The following GRIN3A variants were observed in gnomAD, a reference collection of about 807,000 sequenced individuals.
GRIN3A encodes the protein glutamate ionotropic receptor NMDA type subunit 3A.
GRIN3A carries 47 observed loss-of-function variants against 92.4 expected under a neutral mutation model. The ratio of observed to expected loss-of-function variants is 0.51; its 90% CI spans 0.40 to 0.65. GRIN3A has a LOEUF of 0.65. GRIN3A is among the 30% of genes least tolerant of loss of function. GRIN3A has a pLI of 0.00. For missense variants in GRIN3A, 1,324 were observed against 1,393.1 expected, an observed-to-expected ratio of 0.95 and a Z score of 0.79; for synonymous variants, 527 against 540.6, an observed-to-expected ratio of 0.97 and a Z score of 0.35.
At chr9:101,587,801 G>A (rs1827967507) in intron 6 of GRIN3A, among the ~76,000 whole-genome samples, 1 of 152,096 alleles carries the variant, frequency 6.6e-6, no homozygotes, top group Non-Finnish European at 1.5e-5. Flanking sequence ...TTTAATGAGA[G>A]GTAAGGAAAA....
chr9:101,670,514 C>G lies in GRIN3A; in HGVS notation c.1898G>C (p.Ser633Thr), dbSNP rs949687303. 6.2e-7 allele frequency: 1 copy of G among 1,613,982 alleles called. No individual in the cohort carries two copies. Among genetic ancestry groups the G allele is most frequent in the African/African-American group, 1.3e-5 (1 of 75,040 alleles). The change falls in exon 3 of 9, where the codon AGC becomes ACC. Residue 633 changes from serine (S) to threonine (T), a missense_variant. Coordinates refer to ENST00000361820, the MANE Select transcript of GRIN3A (RefSeq NM_133445.3). Reference protein sequence around the residue: ...GTAHMAVTSFSINTARSQVID... With the variant: ...GTAHMAVTSFTINTARSQVID... ...CACCTGGCTCCGTGCAGTATTGATG[C>G]TAAAGGAAGTGACTGCCATGTGGGC...
chr9:101,630,362 A>G (rs1182669214), intron 3 of GRIN3A, among the ~76,000 whole-genome samples: 1 of 152,226 alleles, frequency 6.6e-6, no homozygotes, highest in Non-Finnish European at 1.5e-5. Flanking sequence ...CTGTGCTGAT[A>G]TAGTAGCTTG....
intron 1 of GRIN3A, among the ~76,000 whole-genome samples, chr9:101,691,326 A>G (rs1328759893): frequency 6.6e-6 from 1 of 152,184 alleles, no homozygotes; most frequent in Non-Finnish European, 1.5e-5. Flanking sequence ...AACACTTCCT[A>G]TAACTAGAAG....
intron 1 of GRIN3A, among the ~76,000 whole-genome samples, chr9:101,733,168 A>G (rs898806882): frequency 2.6e-5 from 4 of 152,198 alleles, no homozygotes; most frequent in African/African-American, 9.6e-5. Context: ...AATTAACTCT[A>G]AGATATAATG....
chr9:101,683,739 C>T (rs73658426), intron 2 of GRIN3A, among the ~76,000 whole-genome samples: 117 of 152,110 alleles, frequency 7.7e-4, no homozygotes, highest in African/African-American at 2.7e-3. Context: ...GGCTTCAAAC[C>T]TCACAATCTT....
chr9:101,630,467 T>C lies in GRIN3A; in HGVS notation c.2353-2066A>G, dbSNP rs150730317. Among the ~76,000 whole-genome samples the C allele has an allele frequency of 4.4e-3, 673 of 152,348 alleles. 8 individuals are homozygous for C. The highest frequency in any genetic ancestry group is 0.013 in the African/African-American group (555 of 41,576). On this transcript the variant is annotated intron_variant, in intron 3 of 8. Coordinates refer to ENST00000361820, the MANE Select transcript of GRIN3A (RefSeq NM_133445.3). ...ATCCTACCAAGAAATGTGAGGTAGA[T>C]ATGTCTATCATCTTTTTACATAAAG...
chr9:101,702,372 A>T (rs1054481417), intron 1 of GRIN3A, among the ~76,000 whole-genome samples: 1 of 152,142 alleles, frequency 6.6e-6, no homozygotes, highest in Non-Finnish European at 1.5e-5. Flanking sequence ...CTCACCATCC[A>T]TCCAAACAAC....
At chr9:101,575,599 A>AGGGAC (rs1321462256) in intron 8 of GRIN3A, among the ~76,000 whole-genome samples, 2 of 152,238 alleles carry the variant, frequency 1.3e-5, no homozygotes, top group African/African-American at 4.8e-5. Context: ...TAAATGAGAA[A>AGGGAC]GGGACAATAC....
intron 4 of GRIN3A, among the ~76,000 whole-genome samples, chr9:101,625,418 A>T (rs1828619605): frequency 6.6e-6 from 1 of 152,176 alleles, no homozygotes; most frequent in South Asian, 2.1e-4. Flanking sequence ...CTAGACACCC[A>T]GAAGATTCAT....
At chr9:101,616,404 C>A (rs1828454394) in intron 5 of GRIN3A, among the ~76,000 whole-genome samples, 1 of 152,084 alleles carries the variant, frequency 6.6e-6, no homozygotes, top group Non-Finnish European at 1.5e-5. Flanking sequence ...TTCAGTCCTG[C>A]CTTTCAAACC....
intron 1 of GRIN3A, among the ~76,000 whole-genome samples, chr9:101,725,019 A>G (rs1830067743): frequency 6.6e-6 from 1 of 152,182 alleles, no homozygotes; most frequent in Non-Finnish European, 1.5e-5. Flanking sequence ...GGAATGCTTT[A>G]TTGAATTATA....
rs5899450 is a variant in GRIN3A at position 101,622,995 on chromosome 9, A to AACACACACACACACACACACACACAC, written c.2614+297_2614+322dup. On this transcript the variant is annotated intron_variant, in intron 5 of 8. Transcript: ENST00000361820. ...AGCACATAGCAACACCCTGCCACTAAACACACACACACACACACACACACA... is the reference window on the plus strand; with the variant it reads ...AGCACATAGCAACACCCTGCCACTAAACACACACACACACACACACACACACACACACACACACACACACACACACA... Among the ~76,000 whole-genome samples the AACACACACACACACACACACACACAC allele has an allele frequency of 3.1e-4, 46 of 147,534 alleles. 1 individual carries two copies. The highest frequency in any genetic ancestry group is 1.1e-3 in the African/African-American group (44 of 39,748).
chr9:101,716,372 A>C (rs1588295578), intron 1 of GRIN3A, among the ~76,000 whole-genome samples: 1 of 152,228 alleles, frequency 6.6e-6, no homozygotes, highest in Non-Finnish European at 1.5e-5. Flanking sequence ...ATTACATGTC[A>C]GCTGCTGTCA....
intron 1 of GRIN3A, among the ~76,000 whole-genome samples, chr9:101,687,719 A>G (rs1404789492): frequency 6.6e-6 from 1 of 152,214 alleles, no homozygotes; most frequent in Non-Finnish European, 1.5e-5. Flanking sequence ...CCCTTGAGGA[A>G]GACACTTCTA....
At chr9:101,581,885 C>A (rs545166496) in intron 6 of GRIN3A, among the ~76,000 whole-genome samples, 1 of 152,304 alleles carries the variant, frequency 6.6e-6, no homozygotes, top group East Asian at 1.9e-4. Flanking sequence ...AGGCACAATT[C>A]TGAGCACTTT....
At chr9:101,699,117 A>T (rs950506373) in intron 1 of GRIN3A, among the ~76,000 whole-genome samples, 38 of 152,120 alleles carry the variant, frequency 2.5e-4, no homozygotes, top group African/African-American at 8.9e-4. Flanking sequence ...TTCTTCCTTT[A>T]TATCCTTATT....
chr9:101,691,901 C>A lies in GRIN3A; in HGVS notation c.700-4701G>T, dbSNP rs28698513. On this transcript the variant is annotated intron_variant, in intron 1 of 8. Coordinates refer to ENST00000361820, the MANE Select transcript of GRIN3A (RefSeq NM_133445.3). ...TGTAAGTCATTTAGTATCTCTGAGT[C>A]ATACCTCCCTCATCTCTAAAATGAG... is the stretch of plus-strand genomic sequence containing the variant. Among the ~76,000 whole-genome samples the A allele has an allele frequency of 8.9e-3, 1,355 of 152,302 alleles. 22 individuals carry two copies. Among genetic ancestry groups the A allele is most frequent in the African/African-American group, 0.031 (1,289 of 41,566 alleles).
At chr9:101,645,937 A>G (rs926134314) in intron 3 of GRIN3A, among the ~76,000 whole-genome samples, 12 of 151,532 alleles carry the variant, frequency 7.9e-5, no homozygotes, top group African/African-American at 2.7e-4. Flanking sequence ...TGTTTTGGCT[A>G]CAGAATTGTT....
intron 7 of GRIN3A, 54 bp downstream of exon 7, chr9:101,579,142 C>T: frequency 6.3e-7 from 1 of 1,582,626 alleles, no homozygotes; most frequent in Admixed American, 1.7e-5. Flanking sequence ...ATCCTCCCAT[C>T]CCTAGGAATT....
Sources: gnomAD v4.1 joint callset for allele counts (sites outside exome capture counted in the v4.1 genomes callset) on GRCh38, gnomAD v4.1.1 for gene constraint, MANE v1.5 for transcripts, NCBI Gene and HGNC (gene_info 2026-07-23, HGNC 2026-07-21) for gene names.